Variants in GTF2I observed in about 807,000 individuals in gnomAD.
GTF2I encodes general transcription factor IIi, also known as general transcription factor II-I.
GTF2I carries 12 observed loss-of-function variants against 67.6 expected under a neutral mutation model. That is an observed-to-expected ratio of 0.18 (90% confidence interval 0.11 to 0.29). GTF2I has a LOEUF of 0.29. Among genes scored for constraint, GTF2I ranks in the 10% least tolerant of loss-of-function variants. GTF2I has a pLI of 1.00. For missense variants in GTF2I, 271 were observed against 580.1 expected (o/e 0.47, Z 5.47); for synonymous variants, 149 against 197.0 (o/e 0.76, Z 2.04).
chr7:74,718,141 G>A (rs1554403964), intron 11 of GTF2I, among the ~76,000 whole-genome samples: 1 of 152,188 alleles, frequency 6.6e-6, no homozygotes, highest in Non-Finnish European at 1.5e-5. Flanking sequence ...TGCGTTTTTA[G>A]GACATTTTTA....
intron 3 of GTF2I, among the ~76,000 whole-genome samples, chr7:74,694,738 G>A (rs1788718763): frequency 6.6e-6 from 1 of 152,170 alleles, no homozygotes; most frequent in Non-Finnish European, 1.5e-5. Flanking sequence ...TTTCAACGTA[G>A]ACAAAACAGC....
intron 11 of GTF2I, 37 bp downstream of exon 11, chr7:74,716,987 T>A: frequency 1.1e-5 from 17 of 1,561,112 alleles, no homozygotes; most frequent in Non-Finnish European, 1.5e-5. Flanking sequence ...TTCCACTATT[T>A]GTTGTATGTT....
intron 12 of GTF2I, among the ~76,000 whole-genome samples, chr7:74,720,036 A>G (rs1792740578): frequency 6.6e-6 from 1 of 152,220 alleles, no homozygotes. Context: ...TGTACAGTGG[A>G]AAGTTTTCTT....
chr7:74,700,084 T>C, intron 4 of GTF2I, 163 bp from the exon 5 acceptor site: 1 of 718,180 alleles, frequency 1.4e-6, no homozygotes, highest in South Asian at 2.1e-5. Flanking sequence ...GGTTTAGACC[T>C]TCTGCTGACA....
chr7:74,710,852 G>T (rs1554402361), intron 8 of GTF2I, among the ~76,000 whole-genome samples, 180 bp from the exon 9 acceptor site: 10 of 152,024 alleles, frequency 6.6e-5, no homozygotes, highest in Non-Finnish European at 1.5e-4. Context: ...GCATTGGCTG[G>T]GATTATAGTG....
At chr7:74,692,025 C>T (rs6966784) in intron 3 of GTF2I, among the ~76,000 whole-genome samples, 1,935 of 151,070 alleles carry the variant, frequency 0.013, 44 homozygotes, top group African/African-American at 0.044. Context: ...GATCTGCTTG[C>T]CTTGGCCTCC....
intron 9 of GTF2I, among the ~76,000 whole-genome samples, chr7:74,714,118 A>G (rs940705281): frequency 9.9e-5 from 15 of 152,276 alleles, no homozygotes; most frequent in African/African-American, 3.6e-4. Flanking sequence ...GTTTTATATT[A>G]AATAGCCATT....
chr7:74,720,741 ATTTTTTT>A (rs35442354), intron 12 of GTF2I, among the ~76,000 whole-genome samples: 1 of 132,372 alleles, frequency 7.6e-6, no homozygotes, highest in Non-Finnish European at 1.6e-5. Flanking sequence ...TAGAAGCTGT[ATTTTTTT>A]TTTTTTTTTT....
At position 74,699,127 on chromosome 7, in the gene GTF2I, A is replaced by G. The variant is rs782599112; in HGVS notation, c.373+32A>G. The G allele has an allele frequency of 7.3e-6, 9 of 1,231,036 alleles. No homozygotes were observed. The South Asian group carries it at 1.4e-4, about 19-fold the overall frequency. The allele number at this position is 1,231,036 out of a possible 1,614,324, so 76.3% of individuals were successfully genotyped here. ...ACAATAGATTTAATTTTTCTAAAAG[A>G]TACATTATATAATTGAATTTTCTAA... On this transcript the variant is annotated intron_variant, in intron 4 of 34. Transcript: ENST00000573035.
chr7:74,674,228 G>A (rs1554391649), intron 1 of GTF2I, among the ~76,000 whole-genome samples: 3 of 151,660 alleles, frequency 2.0e-5, no homozygotes, highest in African/African-American at 7.3e-5. Flanking sequence ...TACCACACCT[G>A]GATACTTTTT....
At chr7:74,686,895 GTT>G (rs199811559) in intron 1 of GTF2I, among the ~76,000 whole-genome samples, 1 of 142,312 alleles carries the variant, frequency 7.0e-6, no homozygotes. Context: ...TTTTGTTTTT[GTT>G]TTTTTTTTTT....
intron 7 of GTF2I, among the ~76,000 whole-genome samples, chr7:74,706,120 A>G (rs1554401343): frequency 4.0e-5 from 6 of 148,274 alleles, no homozygotes; most frequent in South Asian, 2.2e-4. Flanking sequence ...AGGTTTCACC[A>G]TATTGGCCAG....
chr7:74,728,432 T>C (rs1276281511), intron 12 of GTF2I, among the ~76,000 whole-genome samples: 3 of 147,492 alleles, frequency 2.0e-5, no homozygotes, highest in Non-Finnish European at 4.5e-5. Context: ...TTTATAACTT[T>C]AGGTGGCTGT....
intron 2 of GTF2I, among the ~76,000 whole-genome samples, chr7:74,689,806 C>G (rs1442496090): frequency 6.6e-6 from 1 of 152,094 alleles, no homozygotes; most frequent in Middle Eastern, 3.2e-3. Context: ...ACCTCTGCCC[C>G]CTGGGTTCAA....
chr7:74,715,698 A>T (rs181845105), intron 10 of GTF2I, among the ~76,000 whole-genome samples: 174 of 152,228 alleles, frequency 1.1e-3, no homozygotes, highest in Middle Eastern at 3.4e-3. Context: ...AGCATATTTT[A>T]AAAATGAATT....
chr7:74,723,366 A>G (rs1352931545), intron 12 of GTF2I, among the ~76,000 whole-genome samples: 4 of 141,326 alleles, frequency 2.8e-5, no homozygotes, highest in Non-Finnish European at 6.0e-5. Context: ...TGACCTCGTG[A>G]TCCGCCCACC....
chr7:74,720,163 C>G (rs1484115304), intron 12 of GTF2I, among the ~76,000 whole-genome samples: 1 of 152,220 alleles, frequency 6.6e-6, no homozygotes, highest in Non-Finnish European at 1.5e-5. Flanking sequence ...ATGCTTTCAG[C>G]ATACATTACA....
chr7:74,722,188 A>AT (rs1793098998), intron 12 of GTF2I, among the ~76,000 whole-genome samples: 1 of 152,190 alleles, frequency 6.6e-6, no homozygotes, highest in Non-Finnish European at 1.5e-5. Flanking sequence ...GTGTTTGTGG[A>AT]TACAGGGTCA....
At chr7:74,704,855 TAAA>T (rs35715710) in intron 6 of GTF2I, among the ~76,000 whole-genome samples, 49,513 of 76,428 alleles carry the variant, frequency 0.65, 16,016 homozygotes, top group East Asian at 0.85. Flanking sequence ...ACCCTGTTTC[TAAA>T]AAAAAAAAAA....
Sources: allele counts gnomAD v4.1 joint callset (sites outside exome capture counted in the v4.1 genomes callset), GRCh38; gene constraint gnomAD v4.1.1; transcripts MANE v1.5; gene names NCBI Gene and HGNC (gene_info 2026-07-23, HGNC 2026-07-21).